Variants in CNTNAP2 observed in about 807,000 individuals in gnomAD.
CNTNAP2 encodes contactin-associated protein-like 2.
CNTNAP2 carries 98 observed loss-of-function variants against 155.2 expected under a neutral mutation model. The observed-to-expected ratio is 0.63, with a 90% CI of 0.54 to 0.75. The LOEUF (loss-of-function observed/expected upper bound fraction) is 0.75. CNTNAP2 is among the 30% of genes least tolerant of loss of function. The pLI is 0.00. For missense variants in CNTNAP2, 1,727 were observed against 1,688.1 expected, an observed-to-expected ratio of 1.02 and a Z score of -0.40; for synonymous variants, 651 against 631.2, an observed-to-expected ratio of 1.03 and a Z score of -0.47.
chr7:147,740,751 C>T (rs2140812), intron 13 of CNTNAP2, among the ~76,000 whole-genome samples: 99,825 of 152,114 alleles, frequency 0.66, 33,844 homozygotes, highest in East Asian at 0.94. Context: ...AAATAAACTT[C>T]CCTAGAAGCA....
At chr7:146,151,639 T>TATATATATATATATAC in intron 1 of CNTNAP2, among the ~76,000 whole-genome samples, 1 of 16,130 alleles carries the variant, frequency 6.2e-5, no homozygotes, top group African/African-American at 1.9e-4. Flanking sequence ...AAACGTGATA[T>TATATATATATATATAC]ATATATATAT....
At chr7:146,669,446 T>C (rs532984536) in intron 1 of CNTNAP2, among the ~76,000 whole-genome samples, 1 of 152,314 alleles carries the variant, frequency 6.6e-6, no homozygotes, top group East Asian at 1.9e-4. Context: ...AGCATATTTA[T>C]TTAAATATAA....
chr7:147,216,896 T>C (rs1803280419), intron 8 of CNTNAP2, among the ~76,000 whole-genome samples: 1 of 152,054 alleles, frequency 6.6e-6, no homozygotes, highest in Non-Finnish European at 1.5e-5. Context: ...AATTTTGTAA[T>C]TCTGATGGAT....
intron 1 of CNTNAP2, among the ~76,000 whole-genome samples, chr7:146,263,258 T>G (rs1172036479): frequency 1.1e-4 from 15 of 137,942 alleles, no homozygotes; most frequent in African/African-American, 3.5e-4. Context: ...AGGGAGGGAG[T>G]GAGCGAGGGA....
At chr7:147,419,022 C>A (rs1354793872) in intron 10 of CNTNAP2, among the ~76,000 whole-genome samples, 3 of 152,158 alleles carry the variant, frequency 2.0e-5, no homozygotes, top group Non-Finnish European at 4.4e-5. Context: ...TCAAAGCATG[C>A]TTCCTAAAAA....
chr7:146,293,833 T>A (rs1800470207), intron 1 of CNTNAP2, among the ~76,000 whole-genome samples: 1 of 152,100 alleles, frequency 6.6e-6, no homozygotes, highest in Non-Finnish European at 1.5e-5. Context: ...ATTTAAAAGG[T>A]AAAAAATATC....
intron 8 of CNTNAP2, among the ~76,000 whole-genome samples, chr7:147,231,563 A>G (rs1394934915): frequency 6.6e-6 from 1 of 152,192 alleles, no homozygotes; most frequent in Non-Finnish European, 1.5e-5. Flanking sequence ...AGTGTACAAG[A>G]GTTCACTTTT....
Position 148,083,914 on chromosome 7 carries a change from G to GA in CNTNAP2, c.2384-34197dup, listed in dbSNP as rs1025410326. On this transcript the variant is annotated intron_variant, in intron 15 of 23. Transcript: ENST00000361727. ...CACTTGTTTTCTTAAGAGGGAAAGA[G>GA]AAAAAAATACCTTCTTTCCTTACCA... 3.6e-4 allele frequency among the ~76,000 whole-genome samples: 55 copies of GA among 152,174 alleles called. 1 individual carries two copies. Among genetic ancestry groups the GA allele is most frequent in the South Asian group, 2.1e-3 (10 of 4,820 alleles).
intron 9 of CNTNAP2, among the ~76,000 whole-genome samples, chr7:147,394,720 A>C (rs1489003586): frequency 6.6e-6 from 1 of 151,460 alleles, no homozygotes; most frequent in Non-Finnish European, 1.5e-5. Context: ...ATTGGTGGTG[A>C]TCTCTTAAAG....
intron 16 of CNTNAP2, among the ~76,000 whole-genome samples, chr7:148,139,657 A>T (rs1805021404): frequency 6.6e-6 from 1 of 152,054 alleles, no homozygotes; most frequent in Admixed American, 6.5e-5. Context: ...CTCCTGCCTC[A>T]GCCTCCCGAG....
At chr7:148,085,475 C>T (rs1454126348) in intron 15 of CNTNAP2, among the ~76,000 whole-genome samples, 4 of 152,076 alleles carry the variant, frequency 2.6e-5, no homozygotes, top group Non-Finnish European at 4.4e-5. Flanking sequence ...ATACATATTA[C>T]ATATACACCA....
chr7:147,690,074 G>C (rs556669834), intron 13 of CNTNAP2, among the ~76,000 whole-genome samples: 1 of 152,036 alleles, frequency 6.6e-6, no homozygotes, highest in South Asian at 2.1e-4. Flanking sequence ...GTCTACAGAG[G>C]GTGCCCAGAA....
intron 13 of CNTNAP2, among the ~76,000 whole-genome samples, chr7:147,718,476 T>G (rs1387745353): frequency 6.6e-6 from 1 of 152,148 alleles, no homozygotes; most frequent in Non-Finnish European, 1.5e-5. Flanking sequence ...ATATTTCCAG[T>G]TTTTGCATAA....
intron 15 of CNTNAP2, among the ~76,000 whole-genome samples, chr7:148,107,430 G>T (rs191967177): frequency 3.2e-4 from 49 of 152,300 alleles, no homozygotes; most frequent in Non-Finnish European, 5.0e-4. Context: ...TTGTGTTGCA[G>T]CCGTGAAACA....
chr7:147,609,990 G>T (rs1801151321), intron 12 of CNTNAP2, among the ~76,000 whole-genome samples: 1 of 152,122 alleles, frequency 6.6e-6, no homozygotes, highest in South Asian at 2.1e-4. Flanking sequence ...CGTGGTGGTG[G>T]TACTGGTGTG....
At chr7:148,070,686 C>T (rs767605795) in intron 15 of CNTNAP2, among the ~76,000 whole-genome samples, 2 of 152,168 alleles carry the variant, frequency 1.3e-5, no homozygotes, top group Non-Finnish European at 2.9e-5. Context: ...CCACTGCACT[C>T]CAGCCTGGGT....
intron 1 of CNTNAP2, among the ~76,000 whole-genome samples, chr7:146,246,996 G>A (rs1051703815): frequency 1.3e-5 from 2 of 152,218 alleles, no homozygotes; most frequent in African/African-American, 2.4e-5. Flanking sequence ...CGTTGAAGGC[G>A]AGGTTAATTA....
intron 1 of CNTNAP2, among the ~76,000 whole-genome samples, chr7:146,263,972 C>T (rs553685265): frequency 5.3e-5 from 8 of 152,274 alleles, no homozygotes; most frequent in African/African-American, 1.9e-4. Context: ...AAGTCATTAT[C>T]AAATGTCTTT....
At chr7:146,682,838 C>G (rs1800528963) in intron 1 of CNTNAP2, among the ~76,000 whole-genome samples, 1 of 151,970 alleles carries the variant, frequency 6.6e-6, no homozygotes, top group African/African-American at 2.4e-5. Context: ...TCTTTTGTAC[C>G]CAATGTATTA....
Sources: allele counts gnomAD v4.1 joint callset (sites outside exome capture counted in the v4.1 genomes callset), GRCh38; gene constraint gnomAD v4.1.1; transcripts MANE v1.5; gene names NCBI Gene and HGNC (gene_info 2026-07-23, HGNC 2026-07-21).